ETNPPL: variants seen among roughly 807,000 people sequenced by gnomAD.
The protein encoded by ETNPPL is alanine--glyoxylate aminotransferase 2-like 1.
A neutral mutation model predicts 55.5 loss-of-function variants in ETNPPL; 30 were observed. That is an observed-to-expected ratio of 0.54 (90% CI 0.40 to 0.73). The LOEUF is 0.73. Among genes scored for constraint, ETNPPL ranks in the 30% least tolerant of loss-of-function variants. The pLI is 0.00. For synonymous variants in ETNPPL, 202 were observed against 207.2 expected, an observed-to-expected ratio of 0.98 and a Z score of 0.21; for missense variants, 528 against 607.9, an observed-to-expected ratio of 0.87 and a Z score of 1.38.
chr4:108,762,898 T>TGG lies in ETNPPL; in HGVS notation c.-2_-1dup. Reference sequence around the variant, plus strand: ...TCCCGCTTACTGTACAGCTCGCACATGGTGGCGGGGTGCAGGGCGCTGCGA... The same window carrying TGG: ...TCCCGCTTACTGTACAGCTCGCACATGGGGTGGCGGGGTGCAGGGCGCTGCGA... On this transcript the variant is annotated 5_prime_UTR_variant, in exon 1 of 13. Coordinates refer to ENST00000296486, the MANE Select transcript of ETNPPL (RefSeq NM_031279.4). 1 of 1,614,000 alleles carries TGG rather than the reference T, an allele frequency of 6.2e-7. No homozygotes were observed. The highest frequency in any genetic ancestry group is 1.1e-5 in the South Asian group (1 of 91,086).
chr4:108,762,619 G>C, intron 1 of ETNPPL: 1 of 648,982 alleles, frequency 1.5e-6, no homozygotes, highest in East Asian at 2.7e-5. Flanking sequence ...GCGAGCCGGG[G>C]ACTTTCGAGC....
chr4:108,742,622 A>G lies in ETNPPL; in HGVS notation c.1372-10T>C. ...GGGCTTCTTTCAGCATCTGCAAGAC[A>G]GGCACACAAAGCTCCAGTGGGCATC... On this transcript the variant is annotated splice_polypyrimidine_tract_variant and intron_variant, in intron 12 of 12. Coordinates refer to ENST00000296486, the MANE Select transcript of ETNPPL (RefSeq NM_031279.4). The G allele has an allele frequency of 6.2e-7, 1 of 1,613,596 alleles. No individual in the cohort carries two copies. The highest frequency in any genetic ancestry group is 8.5e-7 in the Non-Finnish European group (1 of 1,179,958).
In ETNPPL at chr4:108,753,801, AAAGAAAAGAG is replaced by A. The variant is rs1447448198; in HGVS notation, c.502-800_502-791del. Among the ~76,000 whole-genome samples the A allele has an allele frequency of 1.5e-3, 163 of 112,228 alleles. 4 individuals carry two copies. Among genetic ancestry groups the A allele is most frequent in the African/African-American group, 6.9e-3 (150 of 21,678 alleles). The allele number at this position is 112,228 out of a possible 152,430, so 73.6% of individuals were successfully genotyped here. A position where few individuals can be genotyped will look rare whatever the true frequency, so the allele number is the denominator to read the frequency against. ...GAAAGAAAGAAAGAAAGAAAGAAAG[AAAGAAAAGAG>A]AAGAAAAGAAAAGAAAAAAAGAAAT... On this transcript the variant is annotated intron_variant, in intron 5 of 12. Coordinates refer to ENST00000296486, the MANE Select transcript of ETNPPL (RefSeq NM_031279.4).
intron 1 of ETNPPL, among the ~76,000 whole-genome samples, chr4:108,760,648 C>G (rs879384197): frequency 2.0e-5 from 3 of 151,972 alleles, no homozygotes; most frequent in Non-Finnish European, 4.4e-5. Flanking sequence ...AAAAAAATAA[C>G]CAAGTTTTTT....
At chr4:108,753,674 G>A (rs1042412390) in intron 5 of ETNPPL, among the ~76,000 whole-genome samples, 2 of 151,606 alleles carry the variant, frequency 1.3e-5, no homozygotes, top group Admixed American at 1.3e-4. Context: ...CGCTGTAAGC[G>A]GAGGTTTCAG....
Position 108,748,041 on chromosome 4 carries a change from T to A in ETNPPL, c.1046A>T (p.Lys349Ile). 1 of 1,611,562 alleles carries A rather than the reference T, an allele frequency of 6.2e-7. No homozygotes were observed. The highest frequency in any genetic ancestry group is 1.7e-5 in the Admixed American group (1 of 59,412). ...VGNYLTELLK[K>I]QKAKHTLIGD... is the part of the protein sequence containing the mutation. ...TATCAAAGTGTGTTTAGCCTTCTGT[T>A]TTTTCAGTAACTCAGTGAGATAATT... The change falls in exon 9 of 13, where the codon AAA (lysine) becomes ATA (isoleucine). Residue 349 changes from lysine (K) to isoleucine (I), a missense_variant. Transcript: ENST00000296486.
At chr4:108,753,652 G>A (rs1274513896) in intron 5 of ETNPPL, among the ~76,000 whole-genome samples, 1 of 152,072 alleles carries the variant, frequency 6.6e-6, no homozygotes, top group Non-Finnish European at 1.5e-5. Flanking sequence ...TGAGGCTGAA[G>A]AATCGCTTGA....
chr4:108,749,971 C>T (rs891600529), intron 7 of ETNPPL, among the ~76,000 whole-genome samples: 5 of 152,174 alleles, frequency 3.3e-5, no homozygotes, highest in African/African-American at 1.2e-4. Context: ...TTTGGCCTCC[C>T]AAAGTGCTGG....
chr4:108,750,801 G>T (rs1728873783), intron 7 of ETNPPL, 135 bp downstream of exon 7: 1 of 665,676 alleles, frequency 1.5e-6, no homozygotes, highest in East Asian at 2.8e-5. Context: ...CAGGAGTCCT[G>T]GGTTGGCAGG....
In ETNPPL at chr4:108,762,527, A is replaced by C. The variant is rs1729557210; in HGVS notation, c.56+316T>G. 24 of 667,960 alleles carry C rather than the reference A, an allele frequency of 3.6e-5. 1 individual carries two copies. The South Asian group carries it at 3.8e-4, about 11-fold the overall frequency. The allele number at this position is 667,960 out of a possible 1,614,324, so 41.4% of individuals were successfully genotyped here. A position where few individuals can be genotyped will look rare whatever the true frequency, so the allele number is the denominator to read the frequency against. On this transcript the variant is annotated intron_variant, in intron 1 of 12. Transcript: ENST00000296486. ...CTTCCACCCATCTCCCATCCCTGGA[A>C]TGGTGTCTGCTAGGGCTATTGGCCG...
intron 9 of ETNPPL, among the ~76,000 whole-genome samples, chr4:108,747,189 ATATAT>A (rs1728617509): frequency 2.0e-4 from 2 of 9,770 alleles, no homozygotes; most frequent in African/African-American, 1.7e-3. Context: ...TAATATATAT[ATATAT>A]TATATATATA....
intron 7 of ETNPPL, 55 bp downstream of exon 7, chr4:108,750,881 C>T: frequency 1.6e-6 from 2 of 1,252,326 alleles, no homozygotes; most frequent in Non-Finnish European, 2.3e-6. Flanking sequence ...TATGGCCCTA[C>T]AGAATTGTCA....
chr4:108,759,519 T>G (rs1409424173), intron 3 of ETNPPL, among the ~76,000 whole-genome samples: 3 of 152,148 alleles, frequency 2.0e-5, no homozygotes, highest in Non-Finnish European at 4.4e-5. Context: ...AGCTACTTAT[T>G]GCACTGCCTG....
At chr4:108,746,205 A>C (rs959126222) in intron 11 of ETNPPL, among the ~76,000 whole-genome samples, 194 bp downstream of exon 11, 1 of 152,222 alleles carries the variant, frequency 6.6e-6, no homozygotes, top group African/African-American at 2.4e-5. Context: ...TGAAAATTTC[A>C]ATTTAAGAGT....
rs776370696 is a variant in ETNPPL at position 108,748,106 on chromosome 4, A to T, written c.981T>A (p.Ile327=). The change falls in exon 9 of 13, where the codon ATT becomes ATA. Residue 327 remains isoleucine (I), a synonymous_variant. Coordinates refer to ENST00000296486, the MANE Select transcript of ETNPPL (RefSeq NM_031279.4). ...CAVGLAVLDI[I]ENEDLQGNAK... Reference sequence around the variant, plus strand: ...CATTTCCTTGAAGGTCTTCATTTTCAATTATATCCAGGACAGCCAAACCAA... The same window carrying T: ...CATTTCCTTGAAGGTCTTCATTTTCTATTATATCCAGGACAGCCAAACCAA... The T allele has an allele frequency of 3.7e-6, 6 of 1,611,976 alleles. No individual in the cohort carries two copies. In the South Asian group the frequency reaches 6.6e-5, roughly 18 times the overall value.
intron 12 of ETNPPL, among the ~76,000 whole-genome samples, 156 bp from the exon 13 acceptor site, chr4:108,742,768 A>G (rs1728281835): frequency 6.6e-6 from 1 of 152,230 alleles, no homozygotes. Flanking sequence ...AGTATCTTCA[A>G]TAGACATTTG....
intron 7 of ETNPPL, 82 bp from the exon 8 acceptor site, chr4:108,749,545 CA>C (rs5860943): frequency 0.11 from 81,680 of 740,964 alleles, 1,840 homozygotes; most frequent in African/African-American, 0.25. Flanking sequence ...TTATTGAAGA[CA>C]AAAAAAAAAA....
chr4:108,753,037 C>T, intron 5 of ETNPPL, 26 bp from the exon 6 acceptor site: 2 of 1,356,188 alleles, frequency 1.5e-6, no homozygotes, highest in Non-Finnish European at 2.1e-6. Context: ...AATGCAGTTG[C>T]TTGTAATTTG....
rs772155875 is a variant in ETNPPL, at chr4:108,749,418, T to C, written c.747A>G (p.Gln249=). 3.1e-6 allele frequency: 5 copies of C among 1,614,084 alleles called. No individual in the cohort carries two copies. The highest frequency in any genetic ancestry group is 2.2e-5 in the South Asian group (2 of 91,076). The change falls in exon 8 of 13, where the codon CAA becomes CAG. Residue 249 remains glutamine, a synonymous_variant. Transcript: ENST00000296486. The part of the protein sequence containing the change: ...AGGVFIADEV[Q]VGFGRVGKHF... ...GTTTCCCAACTCTGCCAAAGCCCAC[T>C]TGAACTTCATCAGCTATAAACACAC... is the stretch of plus-strand genomic sequence containing the variant.
Sources: gnomAD v4.1 joint callset for allele counts (sites outside exome capture counted in the v4.1 genomes callset) on GRCh38, gnomAD v4.1.1 for gene constraint, MANE v1.5 for transcripts, NCBI Gene and HGNC (gene_info 2026-07-23, HGNC 2026-07-21) for gene names.